The following SLC6A6 variants were observed in gnomAD, a reference collection of about 807,000 sequenced individuals.
The protein encoded by SLC6A6 is sodium- and chloride-dependent taurine transporter.
A neutral mutation model predicts 68.8 loss-of-function variants in SLC6A6; 16 were observed. The observed-to-expected ratio is 0.23, with a 90% CI of 0.16 to 0.35. The LOEUF (loss-of-function observed/expected upper bound fraction) is 0.35. Among genes scored for constraint, SLC6A6 ranks in the 10% least tolerant of loss-of-function variants. The probability of loss-of-function intolerance (pLI) is 1.00; values close to 1 mark genes in which losing one functional copy is unlikely to be tolerated. For missense variants in SLC6A6, 474 were observed against 802.8 expected (o/e 0.59, Z 4.95); for synonymous variants, 312 against 315.4 (o/e 0.99, Z 0.12).
chr3:14,435,139 C>T (rs1459612571), intron 2 of SLC6A6, among the ~76,000 whole-genome samples: 1 of 152,200 alleles, frequency 6.6e-6, no homozygotes, highest in African/African-American at 2.4e-5. Context: ...TCACCTTGCC[C>T]CAGGGTGGCA....
intron 1 of SLC6A6, among the ~76,000 whole-genome samples, chr3:14,415,860 C>A (rs1699352667): frequency 6.6e-6 from 1 of 152,194 alleles, no homozygotes. Flanking sequence ...CTCTGAGGCC[C>A]CTCACTCTGG....
chr3:14,465,442 C>G (rs564470476), intron 6 of SLC6A6, among the ~76,000 whole-genome samples: 2 of 152,340 alleles, frequency 1.3e-5, no homozygotes, highest in East Asian at 1.9e-4. Flanking sequence ...ATTTTCTTCC[C>G]TGAAGGTCTC....
intron 1 of SLC6A6, among the ~76,000 whole-genome samples, chr3:14,404,601 C>G (rs1030357650): frequency 3.3e-5 from 5 of 152,178 alleles, no homozygotes; most frequent in African/African-American, 1.2e-4. Context: ...AAGTCCTATG[C>G]TTTGTTTTAA....
rs3773186 is a variant in SLC6A6 at position 14,450,707 on chromosome 3, G to T, written c.599+2891G>T. On this transcript the variant is annotated intron_variant, in intron 5 of 14. Transcript: ENST00000622186. This position sits in a 1 kb window ranked among gnomAD's most constrained non-coding sequence, Gnocchi z 4.1. ...TCACAGCACAGGCCGAGGCCAGAGA[G>T]CTACACCAGGGGACAGCTCAGTTCC... 6.6e-6 allele frequency among the ~76,000 whole-genome samples: 1 copy of T among 151,940 alleles called. No individual in the cohort carries two copies. The highest frequency in any genetic ancestry group is 2.4e-5 in the African/African-American group (1 of 41,366).
chr3:14,406,259 C>T (rs551282193), intron 1 of SLC6A6, among the ~76,000 whole-genome samples: 4 of 152,186 alleles, frequency 2.6e-5, no homozygotes, highest in South Asian at 2.1e-4. Flanking sequence ...GCAATCTTCT[C>T]GCCTCAGCCT....
intron 2 of SLC6A6, among the ~76,000 whole-genome samples, chr3:14,430,995 G>A (rs1699712412): frequency 6.6e-6 from 1 of 152,230 alleles, no homozygotes; most frequent in African/African-American, 2.4e-5. Context: ...GATTTTGTGT[G>A]GGATCCCAGG....
At chr3:14,414,335 G>C (rs1413087230) in intron 1 of SLC6A6, among the ~76,000 whole-genome samples, 1 of 152,146 alleles carries the variant, frequency 6.6e-6, no homozygotes, top group Non-Finnish European at 1.5e-5. Context: ...AGCCAATCAA[G>C]ACAGCCCCCT....
At chr3:14,423,285 C>A (rs531766933) in intron 2 of SLC6A6, among the ~76,000 whole-genome samples, 1 of 152,314 alleles carries the variant, frequency 6.6e-6, no homozygotes, top group African/African-American at 2.4e-5. Context: ...CTGTGCCAGG[C>A]CTTCTCATGC....
chr3:14,427,259 C>T (rs13058781), intron 2 of SLC6A6, among the ~76,000 whole-genome samples: 48,451 of 151,606 alleles, frequency 0.32, 7,831 homozygotes, highest in African/African-American at 0.39. Context: ...CCCCTTCACA[C>T]CTGGAGTTTT....
chr3:14,417,514 G>A (rs1174712846), intron 2 of SLC6A6, among the ~76,000 whole-genome samples: 6 of 152,088 alleles, frequency 3.9e-5, no homozygotes, highest in South Asian at 2.1e-4. Context: ...GGCAGATCAC[G>A]AGGTCAGGAG....
At chr3:14,409,152 G>A in intron 1 of SLC6A6, among the ~76,000 whole-genome samples, 1 of 152,176 alleles carries the variant, frequency 6.6e-6, no homozygotes, top group East Asian at 1.9e-4. Flanking sequence ...ACTGTTCTTG[G>A]TTCTGCCACT....
At chr3:14,438,474 G>A (rs1019866416) in intron 2 of SLC6A6, among the ~76,000 whole-genome samples, 5 of 152,122 alleles carry the variant, frequency 3.3e-5, no homozygotes, top group South Asian at 2.1e-4. Flanking sequence ...TGGAAAGGGC[G>A]GGGCAAGGGG....
intron 1 of SLC6A6, among the ~76,000 whole-genome samples, chr3:14,405,903 G>A (rs140900243): frequency 0.01 from 1,552 of 152,284 alleles, 21 homozygotes; most frequent in African/African-American, 0.024. Context: ...ATTACCATCC[G>A]TAGGATACAG....
At chr3:14,433,880 C>A (rs1368746215) in intron 2 of SLC6A6, among the ~76,000 whole-genome samples, 1 of 149,304 alleles carries the variant, frequency 6.7e-6, no homozygotes, top group Admixed American at 6.7e-5. Context: ...AGTTCCCTTT[C>A]AGAGTAGAAG....
intron 1 of SLC6A6, among the ~76,000 whole-genome samples, chr3:14,414,064 G>T (rs1452067222): frequency 1.3e-5 from 2 of 152,062 alleles, no homozygotes; most frequent in Non-Finnish European, 2.9e-5. Context: ...AAAGCCTGGG[G>T]CCATACTTCA....
chr3:14,421,744 CTG>C, intron 2 of SLC6A6, among the ~76,000 whole-genome samples: 1 of 152,298 alleles, frequency 6.6e-6, no homozygotes, highest in African/African-American at 2.4e-5. Flanking sequence ...GGTGAGAAAA[CTG>C]GGGCTCAGGA....
At chr3:14,473,472 C>G (rs1182654951) in intron 10 of SLC6A6, among the ~76,000 whole-genome samples, 1 of 152,054 alleles carries the variant, frequency 6.6e-6, no homozygotes, top group Non-Finnish European at 1.5e-5. Context: ...CCTTTGTCCC[C>G]CTCCCCGCGG....
intron 2 of SLC6A6, among the ~76,000 whole-genome samples, chr3:14,441,523 C>A (rs189995059): frequency 6.6e-5 from 10 of 152,312 alleles, no homozygotes; most frequent in Non-Finnish European, 1.3e-4. Flanking sequence ...CTTCAGGAAG[C>A]CTTTCTTGGT....
At chr3:14,463,472 G>A (rs1700541777) in intron 6 of SLC6A6, among the ~76,000 whole-genome samples, 2 of 152,214 alleles carry the variant, frequency 1.3e-5, no homozygotes, top group African/African-American at 4.8e-5. Flanking sequence ...AGACCACTGG[G>A]TTGCTTGGCC....
Sources: allele counts gnomAD v4.1 joint callset (sites outside exome capture counted in the v4.1 genomes callset), GRCh38; gene constraint gnomAD v4.1.1; non-coding constraint Gnocchi (gnomAD v3.1); transcripts MANE v1.5; gene names NCBI Gene and HGNC (gene_info 2026-07-23, HGNC 2026-07-21).